Variants in UNC5C observed in about 807,000 individuals in gnomAD.
UNC5C encodes the protein unc-5 netrin receptor C.
Under a neutral mutation model 99.8 loss-of-function variants are expected in UNC5C, and 47 were observed. That is an observed-to-expected ratio of 0.47 (90% CI 0.37 to 0.60). UNC5C has a LOEUF of 0.60. UNC5C is among the 20% of genes least tolerant of loss of function. UNC5C has a pLI of 0.00. For synonymous variants in UNC5C, 487 were observed against 452.2 expected, an observed-to-expected ratio of 1.08 and a Z score of -0.98; for missense variants, 1,062 against 1,165.9, an observed-to-expected ratio of 0.91 and a Z score of 1.30.
intron 1 of UNC5C, among the ~76,000 whole-genome samples, chr4:95,444,567 G>A (rs951539206): frequency 2.0e-5 from 3 of 152,050 alleles, no homozygotes; most frequent in Non-Finnish European, 1.5e-5. Flanking sequence ...TCCTGACCTC[G>A]TGATCCGCCC....
At chr4:95,344,613 G>A (rs1039623016) in intron 1 of UNC5C, among the ~76,000 whole-genome samples, 1 of 151,912 alleles carries the variant, frequency 6.6e-6, no homozygotes, top group African/African-American at 2.4e-5. Flanking sequence ...AAGGTGAACT[G>A]ATCAAAAATA....
rs1553965986 is a variant in UNC5C, at chr4:95,354,468, C to CATATATATATATATATAT, written c.125-18838_125-18837insATATATATATATATATAT. Among the ~76,000 whole-genome samples, 39 of 98,208 alleles carry CATATATATATATATATAT rather than the reference C, an allele frequency of 4.0e-4. 1 individual carries two copies. The highest frequency in any genetic ancestry group is 5.8e-4 in the Non-Finnish European group (31 of 53,792). 64.4% of individuals were successfully genotyped at this position (98,208 alleles called of 152,430 possible). On this transcript the variant is annotated intron_variant, in intron 1 of 15. Coordinates refer to ENST00000453304, the MANE Select transcript of UNC5C (RefSeq NM_003728.4). ...TCTATCGTATTTTACCTAACTCTTCCATATATATATATTTTTTTTTTTTTT... is the reference window on the plus strand; with the variant it reads ...TCTATCGTATTTTACCTAACTCTTCCATATATATATATATATATATATATATATATTTTTTTTTTTTTT...
chr4:95,168,911 A>G lies in UNC5C; in HGVS notation c.*323T>C, dbSNP rs1377823905. On this transcript the variant is annotated 3_prime_UTR_variant, in exon 16 of 16. Transcript: ENST00000453304. ...GTTTGTTAAGAAAGTTTATCCATATATCTGGATAGCAATAAAAAGCGTTTC... is the reference window on the plus strand; with the variant it reads ...GTTTGTTAAGAAAGTTTATCCATATGTCTGGATAGCAATAAAAAGCGTTTC... The G allele has an allele frequency of 4.3e-6, 1 of 229,950 alleles. No individual in the cohort carries two copies. The highest frequency in any genetic ancestry group is 5.1e-5 in the Admixed American group (1 of 19,676). The allele number at this position is 229,950 out of a possible 1,614,324, so 14.2% of individuals were successfully genotyped here.
chr4:95,198,038 A>G (rs1579222591), intron 12 of UNC5C, among the ~76,000 whole-genome samples: 1 of 131,416 alleles, frequency 7.6e-6, no homozygotes, highest in East Asian at 2.3e-4. Flanking sequence ...CCCAGGCTGG[A>G]GTGCCGTGGT....
intron 1 of UNC5C, among the ~76,000 whole-genome samples, chr4:95,418,549 G>T (rs1746232876): frequency 6.6e-6 from 1 of 152,146 alleles, no homozygotes; most frequent in South Asian, 2.1e-4. Context: ...CCATTCTGGG[G>T]TTGAGAAGTA....
chr4:95,345,218 GA>G (rs1743727144), intron 1 of UNC5C, among the ~76,000 whole-genome samples: 1 of 151,758 alleles, frequency 6.6e-6, no homozygotes, highest in African/African-American at 2.4e-5. Flanking sequence ...GTACAAAATA[GA>G]TTTTTCAATA....
chr4:95,289,361 G>C (rs114823314), intron 3 of UNC5C, among the ~76,000 whole-genome samples: 8 of 152,230 alleles, frequency 5.3e-5, no homozygotes, highest in African/African-American at 1.9e-4. Flanking sequence ...AAAGGCCCTC[G>C]ATCTGTGGAA....
rs377578715 is a variant in UNC5C, at chr4:95,203,042, A to G, written c.1903-78T>C. On this transcript the variant is annotated intron_variant, in intron 11 of 15. Transcript: ENST00000453304. ...CCACCAGGGATGGTGGTGAATGGTG[A>G]GTAGAGCAGGACCTATCCTTTACTT... 1.2e-3 allele frequency: 1,538 copies of G among 1,317,386 alleles called. 27 individuals are homozygous for G. In the South Asian group the frequency reaches 0.018, roughly 15 times the overall value. 81.6% of individuals were successfully genotyped at this position (1,317,386 alleles called of 1,614,324 possible).
At chr4:95,192,157 C>T (rs1470429418) in intron 12 of UNC5C, among the ~76,000 whole-genome samples, 4 of 140,208 alleles carry the variant, frequency 2.9e-5, no homozygotes, top group Admixed American at 7.0e-5. Flanking sequence ...CTCTTCTGCT[C>T]ACCTTCTTCC....
chr4:95,184,979 G>T, intron 13 of UNC5C, 68 bp downstream of exon 13: 2 of 1,436,148 alleles, frequency 1.4e-6, no homozygotes, highest in Non-Finnish European at 9.2e-7. Context: ...GATTTCCTAT[G>T]TCTATATAAT....
intron 2 of UNC5C, among the ~76,000 whole-genome samples, chr4:95,307,691 C>A (rs1263067279): frequency 6.6e-6 from 1 of 152,152 alleles, no homozygotes; most frequent in East Asian, 1.9e-4. Context: ...AGGCCAATAA[C>A]CCTGATAAAC....
intron 1 of UNC5C, among the ~76,000 whole-genome samples, chr4:95,471,555 C>T (rs1179531641): frequency 6.6e-6 from 1 of 152,126 alleles, no homozygotes; most frequent in Non-Finnish European, 1.5e-5. Flanking sequence ...TTACCACACC[C>T]TGACCCAAGA....
intron 1 of UNC5C, among the ~76,000 whole-genome samples, chr4:95,440,273 G>C (rs1746910467): frequency 6.6e-6 from 1 of 152,136 alleles, no homozygotes; most frequent in Non-Finnish European, 1.5e-5. Context: ...CCTTTGTTCT[G>C]TTTGTTTCCC....
chr4:95,314,235 T>C (rs1742387119), intron 2 of UNC5C, among the ~76,000 whole-genome samples: 1 of 152,178 alleles, frequency 6.6e-6, no homozygotes, highest in Non-Finnish European at 1.5e-5. Flanking sequence ...AAGTCAAGTC[T>C]GAGTGAAGAT....
chr4:95,349,276 C>A (rs1383362499), intron 1 of UNC5C, among the ~76,000 whole-genome samples: 1 of 147,980 alleles, frequency 6.8e-6, no homozygotes, highest in African/African-American at 2.5e-5. Flanking sequence ...ACAAAAATTA[C>A]AAATTTTTAA....
intron 1 of UNC5C, among the ~76,000 whole-genome samples, chr4:95,442,625 T>C (rs993488813): frequency 2.6e-5 from 4 of 152,116 alleles, no homozygotes; most frequent in African/African-American, 9.7e-5. Flanking sequence ...TTATCATTTT[T>C]AACAATATAT....
intron 1 of UNC5C, among the ~76,000 whole-genome samples, chr4:95,363,241 A>T (rs1744450902): frequency 6.6e-6 from 1 of 152,172 alleles, no homozygotes; most frequent in Admixed American, 6.6e-5. Flanking sequence ...CACAAACCAG[A>T]CACAAATCTC....
chr4:95,257,772 C>T (rs1012682644), intron 4 of UNC5C, among the ~76,000 whole-genome samples: 6 of 152,110 alleles, frequency 3.9e-5, no homozygotes, highest in African/African-American at 1.2e-4. Context: ...TAAAAATAAC[C>T]CTGAGGACTT....
At chr4:95,300,705 A>T (rs568571306) in intron 3 of UNC5C, among the ~76,000 whole-genome samples, 6 of 152,342 alleles carry the variant, frequency 3.9e-5, no homozygotes, top group Non-Finnish European at 8.8e-5. Context: ...TCCCTAAAGA[A>T]AAATTACTCA....
Sources: allele counts gnomAD v4.1 joint callset (sites outside exome capture counted in the v4.1 genomes callset), GRCh38; gene constraint gnomAD v4.1.1; transcripts MANE v1.5; gene names NCBI Gene and HGNC (gene_info 2026-07-23, HGNC 2026-07-21).